AVEN: variants seen among roughly 807,000 people sequenced by gnomAD.
The protein encoded by AVEN is cell death regulator Aven.
In AVEN, 41 loss-of-function variants were observed where a neutral mutation model predicts 38.1. That is an observed-to-expected ratio of 1.08 (90% CI 0.84 to 1.40). AVEN has a LOEUF of 1.40. Among genes scored for constraint, AVEN ranks in the 40% most tolerant of loss-of-function variants. AVEN has a pLI of 0.00. For synonymous variants in AVEN, 206 were observed against 171.8 expected (o/e 1.20, Z -1.56); for missense variants, 605 against 438.8 (o/e 1.38, Z -3.38).
intron 2 of AVEN, among the ~76,000 whole-genome samples, chr15:34,067,726 G>C (rs1041756371): frequency 1.3e-5 from 2 of 152,160 alleles, no homozygotes; most frequent in Non-Finnish European, 2.9e-5. Flanking sequence ...CAAGGGAGGT[G>C]GGGCAGACCT....
At chr15:33,872,815 C>G (rs952155089) in intron 3 of AVEN, among the ~76,000 whole-genome samples, 6 of 152,146 alleles carry the variant, frequency 3.9e-5, no homozygotes, top group African/African-American at 1.4e-4. Flanking sequence ...ATGGTACCCA[C>G]CCTGTCCAAA....
chr15:33,863,137 C>G (rs144998580), downstream of AVEN, among the ~76,000 whole-genome samples: 1,759 of 152,266 alleles, frequency 0.012, 26 homozygotes, highest in African/African-American at 0.041. Flanking sequence ...TCTTTCCTAT[C>G]TCTATCCCCT....
intron 2 of AVEN, among the ~76,000 whole-genome samples, chr15:33,885,343 C>A (rs945229211): frequency 2.0e-5 from 3 of 152,162 alleles, no homozygotes; most frequent in African/African-American, 7.2e-5. Context: ...ACAGATCAAT[C>A]CAGGGAAAAT....
At chr15:34,023,044 T>C (rs967857428) in intron 1 of AVEN, among the ~76,000 whole-genome samples, 1 of 152,100 alleles carries the variant, frequency 6.6e-6, no homozygotes, top group African/African-American at 2.4e-5. Context: ...AAAATTAGCC[T>C]GGCGTGGTGG....
intron 1 of AVEN, among the ~76,000 whole-genome samples, chr15:34,021,900 G>A (rs77319297): frequency 0.028 from 4,216 of 152,124 alleles, 163 homozygotes; most frequent in African/African-American, 0.076. Context: ...CTTCCACATG[G>A]CAACATTAAC....
At chr15:34,031,302 G>A (rs1206733571) in intron 1 of AVEN, among the ~76,000 whole-genome samples, 1 of 148,308 alleles carries the variant, frequency 6.7e-6, no homozygotes, top group Non-Finnish European at 1.5e-5. Flanking sequence ...AGCCTCCCGA[G>A]TAGCTGGGAT....
At chr15:34,065,121 T>C (rs910198778) in intron 4 of AVEN, 3 of 163,120 alleles carry the variant, frequency 1.8e-5, no homozygotes, top group African/African-American at 7.2e-5. Context: ...CCAGTGGAAA[T>C]TTTTTCTTTT....
intron 2 of AVEN, among the ~76,000 whole-genome samples, chr15:33,883,021 C>T (rs1891555159): frequency 1.3e-5 from 2 of 152,188 alleles, no homozygotes; most frequent in Non-Finnish European, 2.9e-5. Context: ...AGGATTGCTT[C>T]ATTAAACTCA....
chr15:33,866,543 A>T lies in AVEN; in HGVS notation c.*70T>A. On this transcript the variant is annotated 3_prime_UTR_variant, in exon 6 of 6. Coordinates refer to ENST00000306730, the MANE Select transcript of AVEN (RefSeq NM_020371.3). ...ATGCTTGTAAACTGGCTGGTCCTGA[A>T]GGACAGCCTTATGCCCACCTGCCGT... 1 of 1,177,412 alleles carries T rather than the reference A, an allele frequency of 8.5e-7. No homozygotes were observed. The highest frequency in any genetic ancestry group is 1.3e-6 in the Non-Finnish European group (1 of 795,560). 72.9% of individuals were successfully genotyped at this position (1,177,412 alleles called of 1,614,324 possible). A position where few individuals can be genotyped will look rare whatever the true frequency, so the allele number is the denominator to read the frequency against.
chr15:34,053,009 A>G (rs2140829824), intron 5 of AVEN, among the ~76,000 whole-genome samples: 1 of 152,170 alleles, frequency 6.6e-6, no homozygotes, highest in Admixed American at 6.6e-5. Flanking sequence ...AAAAATTCAT[A>G]TGGAACCAGG....
At chr15:33,882,621 C>T (rs1438309920) in intron 2 of AVEN, among the ~76,000 whole-genome samples, 1 of 149,906 alleles carries the variant, frequency 6.7e-6, no homozygotes, top group Non-Finnish European at 1.5e-5. Context: ...AATCTCAGCA[C>T]TTTGGGAGGC....
intron 2 of AVEN, among the ~76,000 whole-genome samples, chr15:33,914,794 T>G (rs1047737705): frequency 2.6e-5 from 4 of 152,108 alleles, no homozygotes; most frequent in Non-Finnish European, 5.9e-5. Flanking sequence ...GAGATACATG[T>G]ATGCATGCAT....
chr15:34,040,176 A>C (rs575187791), upstream of AVEN, among the ~76,000 whole-genome samples: 13 of 152,316 alleles, frequency 8.5e-5, no homozygotes, highest in Admixed American at 2.0e-4. Flanking sequence ...AAAACAAAAA[A>C]AAAACCTTGC....
Position 33,867,514 on chromosome 15 carries a change from C to T in AVEN, c.954G>A (p.Glu318=), listed in dbSNP as rs763355655. The stretch of plus-strand genomic sequence containing the variant: ...CCATACCTTCTTCCTCTTGGACCAC[C>T]TCCCCATCTTCCTTGGATTTCAGGT... The part of the protein sequence containing the change: ...SQDLKSKEDG[E]VVQEEEVCAK... The change falls in exon 5 of 6, where the codon GAG becomes GAA. Residue 318 remains glutamate, a synonymous_variant. Coordinates refer to ENST00000306730, the MANE Select transcript of AVEN (RefSeq NM_020371.3). 1.3e-6 allele frequency: 2 copies of T among 1,584,170 alleles called. No individual in the cohort carries two copies. The highest frequency in any genetic ancestry group is 2.2e-5 in the East Asian group (1 of 44,696).
chr15:33,930,512 G>A (rs1022591291), intron 2 of AVEN, among the ~76,000 whole-genome samples: 2 of 152,148 alleles, frequency 1.3e-5, no homozygotes, highest in South Asian at 2.1e-4. Flanking sequence ...TTTTCTCAAA[G>A]ACATGGAGCT....
At chr15:34,010,178 A>T (rs1897576278) in intron 1 of AVEN, among the ~76,000 whole-genome samples, 2 of 152,176 alleles carry the variant, frequency 1.3e-5, no homozygotes, top group South Asian at 4.1e-4. Flanking sequence ...AAAAAGATTT[A>T]CTTACTGAAG....
chr15:34,059,828 C>A (rs1306899758), intron 5 of AVEN, among the ~76,000 whole-genome samples: 1 of 152,156 alleles, frequency 6.6e-6, no homozygotes, highest in Admixed American at 6.5e-5. Flanking sequence ...TCACAGGTGC[C>A]CCTATGGCAT....
chr15:33,897,722 C>A (rs1230612780), intron 2 of AVEN, among the ~76,000 whole-genome samples: 10 of 151,604 alleles, frequency 6.6e-5, no homozygotes, highest in Non-Finnish European at 1.3e-4. Flanking sequence ...TACTAAAAAT[C>A]AAAAATATAT....
At chr15:33,872,523 C>A (rs960079655) in intron 3 of AVEN, among the ~76,000 whole-genome samples, 3 of 152,186 alleles carry the variant, frequency 2.0e-5, no homozygotes, top group East Asian at 1.9e-4. Flanking sequence ...ACAGGCCTCA[C>A]CCACAGAACT....
Sources: allele counts gnomAD v4.1 joint callset (sites outside exome capture counted in the v4.1 genomes callset), GRCh38; gene constraint gnomAD v4.1.1; transcripts MANE v1.5; gene names NCBI Gene and HGNC (gene_info 2026-07-23, HGNC 2026-07-21).